Variants in LOC400499 observed in about 807,000 individuals in gnomAD.
the LOC400499 span, chr16:11,515,900 AGCCC>A: frequency 1.7e-5 from 2 of 121,030 alleles, no homozygotes; most frequent in Non-Finnish European, 2.8e-5. Flanking sequence ...AGCCTAGCCC[AGCCC>A]AGCCCAGCCT....
chr16:11,415,013 G>C, the LOC400499 span, among the ~76,000 whole-genome samples: 227 of 152,320 alleles, frequency 1.5e-3, no homozygotes, highest in African/African-American at 5.1e-3. Context: ...AGTGCTTTCT[G>C]AATGACTGTG....
At chr16:11,401,271 G>C in the LOC400499 span, 1 of 399,084 alleles carries the variant, frequency 2.5e-6, no homozygotes, top group Non-Finnish European at 4.4e-6. Context: ...CTCACCTGCC[G>C]GCTCTGCCTG....
At chr16:11,504,020 G>A in the LOC400499 span, among the ~76,000 whole-genome samples, 9 of 152,284 alleles carry the variant, frequency 5.9e-5, no homozygotes, top group East Asian at 1.9e-4. Context: ...TTCGGAAGAC[G>A]TGTGCAGATG....
chr16:11,452,622 A>C, the LOC400499 span, among the ~76,000 whole-genome samples: 1 of 152,216 alleles, frequency 6.6e-6, no homozygotes, highest in South Asian at 2.1e-4. Context: ...CAGGACCTGA[A>C]AACATGTTGT....
At chr16:11,475,695 G>C in the LOC400499 span, 1 of 399,074 alleles carries the variant, frequency 2.5e-6, no homozygotes, top group Non-Finnish European at 4.4e-6. Flanking sequence ...GCCATCCCTG[G>C]TGATGAGGTA....
At chr16:11,408,451 A>ATT in the LOC400499 span, among the ~76,000 whole-genome samples, 29,275 of 130,978 alleles carry the variant, frequency 0.22, 3,681 homozygotes, top group Admixed American at 0.32. Context: ...TCAGTGCAGG[A>ATT]TTTTTTTTTT....
the LOC400499 span, among the ~76,000 whole-genome samples, chr16:11,434,872 G>A: frequency 9.2e-5 from 14 of 152,152 alleles, no homozygotes; most frequent in Non-Finnish European, 1.8e-4. Context: ...CCCCACCATA[G>A]TGGACACATG....
At chr16:11,411,414 T>C in the LOC400499 span, 10 of 398,332 alleles carry the variant, frequency 2.5e-5, no homozygotes, top group Admixed American at 1.8e-4. Flanking sequence ...CAAGGGGACT[T>C]CCCCGAGAGA....
chr16:11,441,550 T>A, the LOC400499 span, among the ~76,000 whole-genome samples: 1 of 152,216 alleles, frequency 6.6e-6, no homozygotes, highest in Non-Finnish European at 1.5e-5. Context: ...CATGTCCTCA[T>A]CACTGGAACC....
At chr16:11,402,386 A>C in the LOC400499 span, 2 of 375,584 alleles carry the variant, frequency 5.3e-6, no homozygotes, top group Non-Finnish European at 9.4e-6. Context: ...CCCCGTTACA[A>C]TGAGACTCTG....
the LOC400499 span, chr16:11,457,201 G>A: frequency 1.9e-5 from 12 of 627,462 alleles, no homozygotes; most frequent in East Asian, 5.7e-5. Flanking sequence ...AACAAGGAGC[G>A]TTGGTAAGGA....
the LOC400499 span, among the ~76,000 whole-genome samples, chr16:11,525,568 G>C: frequency 1.3e-5 from 2 of 151,872 alleles, no homozygotes; most frequent in African/African-American, 4.8e-5. Context: ...TCGGACACTG[G>C]GCACCAAATT....
At chr16:11,509,465 C>T in the LOC400499 span, among the ~76,000 whole-genome samples, 1 of 151,930 alleles carries the variant, frequency 6.6e-6, no homozygotes, top group African/African-American at 2.4e-5. Context: ...ACACACCCTG[C>T]CTTGTAAAGA....
At chr16:11,517,589 C>G in the LOC400499 span, among the ~76,000 whole-genome samples, 1 of 152,164 alleles carries the variant, frequency 6.6e-6, no homozygotes, top group Non-Finnish European at 1.5e-5. Context: ...GCAGAAACCC[C>G]GAACTGGAAG....
At chr16:11,527,090 G>A in the LOC400499 span, among the ~76,000 whole-genome samples, 24 of 152,330 alleles carry the variant, frequency 1.6e-4, no homozygotes, top group Non-Finnish European at 4.4e-5. Context: ...GACCAGGAAC[G>A]CGCAGCAGTT....
the LOC400499 span, among the ~76,000 whole-genome samples, chr16:11,396,999 G>A: frequency 3.3e-5 from 5 of 151,796 alleles, no homozygotes; most frequent in Admixed American, 3.3e-4. Context: ...GCCCCTTTTT[G>A]CAACACCCTG....
the LOC400499 span, among the ~76,000 whole-genome samples, chr16:11,461,892 G>A: frequency 2.6e-5 from 4 of 152,184 alleles, no homozygotes; most frequent in African/African-American, 4.8e-5. Flanking sequence ...GTTTCTTATC[G>A]TGGGTCAGAA....
At chr16:11,413,154 G>A in the LOC400499 span, among the ~76,000 whole-genome samples, 2 of 152,178 alleles carry the variant, frequency 1.3e-5, no homozygotes, top group African/African-American at 4.8e-5. Flanking sequence ...GGTTGGCAGT[G>A]CCCACCGAGG....
At chr16:11,386,283 G>T in the LOC400499 span, among the ~76,000 whole-genome samples, 3 of 152,196 alleles carry the variant, frequency 2.0e-5, no homozygotes, top group Non-Finnish European at 4.4e-5. Context: ...TGGCCAGGAA[G>T]CACCATCTAT....
Sources: gnomAD v4.1 joint callset for allele counts (sites outside exome capture counted in the v4.1 genomes callset) on GRCh38, gnomAD v4.1.1 for gene constraint, MANE v1.5 for transcripts.